Variants in PHLDB2 observed in about 807,000 individuals in gnomAD.
PHLDB2 encodes pleckstrin homology like domain family B member 2, also known as pleckstrin homology-like domain family B member 2.
Under a neutral mutation model 123.6 loss-of-function variants are expected in PHLDB2, and 71 were observed. That is an observed-to-expected ratio of 0.57 (90% CI 0.47 to 0.70). The LOEUF (loss-of-function observed/expected upper bound fraction) is 0.70, where lower values mean the gene tolerates loss of function less well. Among genes scored for constraint, PHLDB2 ranks in the 30% least tolerant of loss-of-function variants. The pLI, the probability that PHLDB2 is intolerant of heterozygous loss-of-function variation, is 0.00. For synonymous variants in PHLDB2, 547 were observed against 541.6 expected (o/e 1.01, Z -0.14); for missense variants, 1,446 against 1,519.5 (o/e 0.95, Z 0.80).
At chr3:111,892,942 T>C (rs1232704116) in intron 2 of PHLDB2, among the ~76,000 whole-genome samples, 2 of 152,178 alleles carry the variant, frequency 1.3e-5, no homozygotes, top group African/African-American at 4.8e-5. Context: ...GACCAGAAAA[T>C]AAACAGGTTG....
chr3:111,830,955 G>A (rs11924285), intron 1 of PHLDB2, among the ~76,000 whole-genome samples: 2 of 63,678 alleles, frequency 3.1e-5, no homozygotes, highest in Non-Finnish European at 5.7e-5. Flanking sequence ...AAGAAAGAAA[G>A]AGAAAGAAAG....
intron 1 of PHLDB2, among the ~76,000 whole-genome samples, chr3:111,825,756 C>T (rs1025023857): frequency 3.9e-5 from 6 of 152,200 alleles, no homozygotes; most frequent in Non-Finnish European, 7.3e-5. Context: ...CCTGCCCACA[C>T]TTCCTCTTTT....
At chr3:111,840,438 G>A (rs1369696640) in intron 1 of PHLDB2, among the ~76,000 whole-genome samples, 1 of 151,938 alleles carries the variant, frequency 6.6e-6, no homozygotes, top group African/African-American at 2.4e-5. Context: ...TTTTCTTAAT[G>A]TGGTGTTTGG....
intron 5 of PHLDB2, among the ~76,000 whole-genome samples, chr3:111,920,726 G>A (rs2107530443): frequency 6.6e-6 from 1 of 152,300 alleles, no homozygotes; most frequent in African/African-American, 2.4e-5. Context: ...CTGCTTTTCT[G>A]ATTCCATTGT....
intron 1 of PHLDB2, among the ~76,000 whole-genome samples, chr3:111,791,412 C>T (rs2060919156): frequency 6.6e-6 from 1 of 152,206 alleles, no homozygotes; most frequent in Non-Finnish European, 1.5e-5. Context: ...ACAGGACTAA[C>T]TCATTGTTAG....
chr3:111,874,511 T>C (rs1326121343), intron 1 of PHLDB2, among the ~76,000 whole-genome samples: 1 of 152,196 alleles, frequency 6.6e-6, no homozygotes, highest in African/African-American at 2.4e-5. Context: ...ACAAGGACCT[T>C]GTTCCATGTC....
chr3:111,892,022 T>C (rs2066527760), intron 2 of PHLDB2, among the ~76,000 whole-genome samples: 2 of 152,210 alleles, frequency 1.3e-5, no homozygotes, highest in African/African-American at 4.8e-5. Flanking sequence ...GTGATAGTCG[T>C]CTGTAGTGCC....
intron 1 of PHLDB2, chr3:111,778,497 C>CG (rs1285373109): frequency 6.6e-6 from 1 of 152,030 alleles, no homozygotes; most frequent in Non-Finnish European, 1.5e-5. Flanking sequence ...CCCTAGCAAA[C>CG]TAACAAGATG....
At chr3:111,849,032 A>T (rs189554840) in intron 2 of PHLDB2, among the ~76,000 whole-genome samples, 1 of 152,328 alleles carries the variant, frequency 6.6e-6, no homozygotes, top group East Asian at 1.9e-4. Flanking sequence ...CCTAGCCTCA[A>T]GCAATGCCCG....
At chr3:111,780,331 GAAGAAGAAGAAGAAGAAGAA>G (rs2060381715) in intron 1 of PHLDB2, among the ~76,000 whole-genome samples, 1 of 10,440 alleles carries the variant, frequency 9.6e-5, no homozygotes, top group African/African-American at 1.4e-4. Context: ...GGAAGAAGAA[GAAGAAGAAGAAGAAGAAGAA>G]GAAGAAGAAG....
intron 2 of PHLDB2, among the ~76,000 whole-genome samples, chr3:111,903,074 G>T (rs141322884): frequency 1.9e-4 from 29 of 152,194 alleles, no homozygotes; most frequent in Non-Finnish European, 3.7e-4. Flanking sequence ...ACACAGGTGA[G>T]GAATTGGTTC....
At chr3:111,893,233 C>CTTT (rs77407830) in intron 2 of PHLDB2, among the ~76,000 whole-genome samples, 1 of 142,138 alleles carries the variant, frequency 7.0e-6, no homozygotes, top group Non-Finnish European at 1.5e-5. Context: ...TAGTATTAAT[C>CTTT]TTTTTTTTTT....
chr3:111,842,846 T>C (rs2063754943), intron 1 of PHLDB2, among the ~76,000 whole-genome samples: 1 of 152,238 alleles, frequency 6.6e-6, no homozygotes, highest in South Asian at 2.1e-4. Flanking sequence ...TTCATATAAA[T>C]GTAATCATGT....
intron 1 of PHLDB2, among the ~76,000 whole-genome samples, chr3:111,752,637 ATTATTTTATT>A (rs202228094): frequency 6.6e-6 from 1 of 151,104 alleles, no homozygotes; most frequent in African/African-American, 2.4e-5. Flanking sequence ...CTTTTTTATT[ATTATTTTATT>A]TTATTTTATT....
intron 1 of PHLDB2, among the ~76,000 whole-genome samples, chr3:111,811,377 C>T (rs1436909947): frequency 6.6e-6 from 1 of 152,244 alleles, no homozygotes; most frequent in Admixed American, 6.5e-5. Flanking sequence ...TTGCATTATG[C>T]ATATTTTGCT....
intron 1 of PHLDB2, among the ~76,000 whole-genome samples, chr3:111,869,273 C>G (rs895117385): frequency 1.3e-5 from 2 of 152,036 alleles, no homozygotes; most frequent in African/African-American, 2.4e-5. Context: ...GCTGGAACTT[C>G]TTTCATATTG....
intron 1 of PHLDB2, among the ~76,000 whole-genome samples, chr3:111,809,321 C>T (rs977731052): frequency 2.6e-5 from 4 of 152,218 alleles, no homozygotes; most frequent in African/African-American, 9.6e-5. Context: ...GAAAGGAAAA[C>T]AACTCTAAAT....
intron 3 of PHLDB2, chr3:111,915,327 T>C (rs2068111450): frequency 1.3e-5 from 2 of 152,258 alleles, no homozygotes; most frequent in Non-Finnish European, 2.9e-5. Context: ...TTACACTGAA[T>C]GTTCCTAGTC....
At chr3:111,769,948 T>C (rs2060145780) in intron 1 of PHLDB2, among the ~76,000 whole-genome samples, 1 of 152,254 alleles carries the variant, frequency 6.6e-6, no homozygotes, top group Non-Finnish European at 1.5e-5. Flanking sequence ...ATAGATAAAT[T>C]AACCCATAGA....
Sources: allele counts gnomAD v4.1 joint callset (sites outside exome capture counted in the v4.1 genomes callset), GRCh38; gene constraint gnomAD v4.1.1; transcripts MANE v1.5; gene names NCBI Gene and HGNC (gene_info 2026-07-23, HGNC 2026-07-21).